The following SIAH3 variants were observed in gnomAD, a reference collection of about 807,000 sequenced individuals.
SIAH3 encodes the protein seven in absentia homolog 3.
SIAH3 carries 9 observed loss-of-function variants against 12.6 expected under a neutral mutation model. That is an observed-to-expected ratio of 0.72 (90% CI 0.43 to 1.25). The LOEUF is 1.25. SIAH3 is among the 50% of genes most tolerant of loss of function. The pLI is 0.00. For missense variants in SIAH3, 390 were observed against 365.4 expected (o/e 1.07, Z -0.55); for synonymous variants, 154 against 151.1 (o/e 1.02, Z -0.14).
chr13:45,833,514 T>G (rs1950707380), intron 1 of SIAH3, among the ~76,000 whole-genome samples: 1 of 151,774 alleles, frequency 6.6e-6, no homozygotes, highest in African/African-American at 2.4e-5. Flanking sequence ...CACACGGCAG[T>G]CCTTTTTAGA....
intron 1 of SIAH3, 29 bp from the exon 2 acceptor site, chr13:45,784,086 G>C (rs750502461): frequency 1.9e-6 from 3 of 1,539,314 alleles, no homozygotes; most frequent in Non-Finnish European, 2.6e-6. Flanking sequence ...ACGTCAGTGC[G>C]GGGATGAGGC....
intron 1 of SIAH3, among the ~76,000 whole-genome samples, chr13:45,814,759 T>C (rs1950628341): frequency 6.7e-6 from 1 of 148,618 alleles, no homozygotes; most frequent in Non-Finnish European, 1.5e-5. Flanking sequence ...AGAGGCTCCC[T>C]CTCTTGCCCT....
At position 45,851,577 on chromosome 13, in the gene SIAH3, C is replaced by G; in HGVS notation, c.53G>C (p.Arg18Pro). Residue 18 changes from arginine (R) to proline (P), a missense_variant, in exon 1 of 2, where the codon CGG becomes CCG. By Grantham distance (103) the Arg-to-Pro change is moderately radical. Coordinates refer to ENST00000400405, the MANE Select transcript of SIAH3 (RefSeq NM_198849.3). The part of the protein sequence containing the change: ...FGAVLDLIHL[R>P]FQHYKAKRVF... ...CCGTTTAGCCTTGTAGTGCTGAAAC[C>G]GGAGATGAATGAGATCTAATACAGC... is the stretch of plus-strand genomic sequence containing the variant. The G allele has an allele frequency of 1.2e-6, 2 of 1,614,108 alleles. No individual in the cohort carries two copies. Among genetic ancestry groups the G allele is most frequent in the Non-Finnish European group, 1.7e-6 (2 of 1,180,028 alleles).
At chr13:45,822,198 C>T (rs1012439857) in intron 1 of SIAH3, among the ~76,000 whole-genome samples, 1 of 152,120 alleles carries the variant, frequency 6.6e-6, no homozygotes, top group African/African-American at 2.4e-5. Flanking sequence ...CAATGCGGAC[C>T]TATATGGTGT....
intron 1 of SIAH3, among the ~76,000 whole-genome samples, chr13:45,790,034 C>G (rs1950541030): frequency 6.6e-6 from 1 of 152,196 alleles, no homozygotes; most frequent in Non-Finnish European, 1.5e-5. Context: ...ATGAATGGGT[C>G]TTGAAAGCTG....
At chr13:45,818,266 A>T (rs1480489182) in intron 1 of SIAH3, among the ~76,000 whole-genome samples, 1 of 152,156 alleles carries the variant, frequency 6.6e-6, no homozygotes, top group Non-Finnish European at 1.5e-5. Context: ...TCACCTTCCA[A>T]ATAAATTACT....
At chr13:45,851,371 A>T in intron 1 of SIAH3, 124 bp downstream of exon 1, 1 of 1,317,236 alleles carries the variant, frequency 7.6e-7, no homozygotes, top group Non-Finnish European at 1.1e-6. Context: ...GGTTCCAGAC[A>T]CCGTCCCAGC....
intron 1 of SIAH3, among the ~76,000 whole-genome samples, chr13:45,794,991 A>AT (rs1175992366): frequency 6.6e-6 from 1 of 150,470 alleles, no homozygotes; most frequent in African/African-American, 2.5e-5. Flanking sequence ...AGTTTCTAAG[A>AT]TTAGTCATTA....
At chr13:45,784,152 C>T in intron 1 of SIAH3, 95 bp from the exon 2 acceptor site, 1 of 1,122,526 alleles carries the variant, frequency 8.9e-7, no homozygotes, top group Non-Finnish European at 1.3e-6. Flanking sequence ...AGCAGATCCT[C>T]CAGTGCAGGC....
Position 45,779,178 on chromosome 13 carries a change from T to A in SIAH3, c.*4205A>T, listed in dbSNP as rs895918811. On this transcript the variant is annotated 3_prime_UTR_variant, in exon 2 of 2. Coordinates refer to ENST00000400405, the MANE Select transcript of SIAH3 (RefSeq NM_198849.3). ...ATCATACAGATGTGATAGATGTAAA[T>A]AACCCCAGGAGCATAGAGAATAAAA... 1.3e-5 allele frequency: 2 copies of A among 152,176 alleles called. No individual in the cohort carries two copies. Among genetic ancestry groups the A allele is most frequent in the Admixed American group, 1.3e-4 (2 of 15,272 alleles). 9.4% of individuals were successfully genotyped at this position (152,176 alleles called of 1,614,324 possible).
rs1319389800 is a variant in SIAH3 at position 45,851,488 on chromosome 13, G to T, written c.135+7C>A. On this transcript the variant is annotated splice_region_variant and intron_variant, in intron 1 of 1. Coordinates refer to ENST00000400405, the MANE Select transcript of SIAH3 (RefSeq NM_198849.3). Reference sequence around the variant, plus strand: ...CCCGGTGAAGGTAAAATGACACAGAGACTCACCTTTAGGTTGTGTGTGGGG... The same window carrying T: ...CCCGGTGAAGGTAAAATGACACAGATACTCACCTTTAGGTTGTGTGTGGGG... 6.2e-7 allele frequency: 1 copy of T among 1,614,068 alleles called. No individual in the cohort carries two copies. The highest frequency in any genetic ancestry group is 2.2e-5 in the East Asian group (1 of 44,872).
At chr13:45,819,009 T>G (rs929422729) in intron 1 of SIAH3, among the ~76,000 whole-genome samples, 1 of 152,088 alleles carries the variant, frequency 6.6e-6, no homozygotes, top group Non-Finnish European at 1.5e-5. Context: ...AATGAAGAGA[T>G]GGACAAGGAA....
chr13:45,843,337 C>T (rs2137584571), intron 1 of SIAH3, among the ~76,000 whole-genome samples: 1 of 152,254 alleles, frequency 6.6e-6, no homozygotes, highest in South Asian at 2.1e-4. Context: ...CCTGCTGAAT[C>T]TCAGAGTGGT....
intron 1 of SIAH3, among the ~76,000 whole-genome samples, chr13:45,820,512 A>G (rs1950651976): frequency 6.6e-6 from 1 of 152,196 alleles, no homozygotes; most frequent in Admixed American, 6.5e-5. Context: ...AGGAGAGAAC[A>G]TATTTTGTTT....
At chr13:45,820,781 A>T (rs1950653006) in intron 1 of SIAH3, among the ~76,000 whole-genome samples, 1 of 152,028 alleles carries the variant, frequency 6.6e-6, no homozygotes, top group Admixed American at 6.5e-5. Context: ...GGGCCCTCAG[A>T]ACTTACTGGC....
intron 1 of SIAH3, among the ~76,000 whole-genome samples, chr13:45,798,012 G>A (rs568862241): frequency 6.6e-6 from 1 of 152,144 alleles, no homozygotes; most frequent in Non-Finnish European, 1.5e-5. Flanking sequence ...TGGTAACATA[G>A]GACTTCACTG....
chr13:45,823,753 G>C (rs1487970574), intron 1 of SIAH3, among the ~76,000 whole-genome samples: 1 of 152,178 alleles, frequency 6.6e-6, no homozygotes. Flanking sequence ...GGGCCAGCAG[G>C]CACTGTGCAA....
At chr13:45,822,998 T>A (rs1174111891) in intron 1 of SIAH3, among the ~76,000 whole-genome samples, 1 of 152,094 alleles carries the variant, frequency 6.6e-6, no homozygotes, top group Non-Finnish European at 1.5e-5. Flanking sequence ...TTTGAATCCC[T>A]CCCTCTCCAG....
chr13:45,827,882 C>T (rs1000699419), intron 1 of SIAH3, among the ~76,000 whole-genome samples: 2 of 152,210 alleles, frequency 1.3e-5, no homozygotes, highest in Non-Finnish European at 2.9e-5. Flanking sequence ...TTTGTAGCAT[C>T]TCCACTCAAG....
Sources: allele counts gnomAD v4.1 joint callset (sites outside exome capture counted in the v4.1 genomes callset), GRCh38; gene constraint gnomAD v4.1.1; transcripts MANE v1.5; gene names NCBI Gene and HGNC (gene_info 2026-07-23, HGNC 2026-07-21).